The following TSC22D3 variants were observed in gnomAD, a reference collection of about 807,000 sequenced individuals.
The protein encoded by TSC22D3 is TSC22 domain family protein 3.
A neutral mutation model predicts 11.1 loss-of-function variants in TSC22D3; 4 were observed. That is an observed-to-expected ratio of 0.36 (90% CI 0.18 to 0.83). TSC22D3 has a LOEUF of 0.83. TSC22D3 is among the 40% of genes least tolerant of loss of function. The pLI is 0.48. For synonymous variants in TSC22D3, 77 were observed against 70.3 expected (o/e 1.10, Z -0.48); for missense variants, 118 against 159.4 (o/e 0.74, Z 1.40).
chrX:107,770,380 CACTT>C (rs5903308), intron 1 of TSC22D3, among the ~76,000 whole-genome samples: 8,995 of 111,710 alleles, frequency 0.081, 378 homozygotes, highest in Middle Eastern at 0.18. Context: ...TTCTGAGACT[CACTT>C]AGAGAAGCAC....
intron 1 of TSC22D3, among the ~76,000 whole-genome samples, chrX:107,724,688 G>A (rs1236278025): frequency 8.9e-6 from 1 of 112,472 alleles, no homozygotes; most frequent in Non-Finnish European, 1.9e-5. Flanking sequence ...GCTGTGCAAG[G>A]GTGACAGGTG....
intron 1 of TSC22D3, among the ~76,000 whole-genome samples, chrX:107,748,649 C>A (rs890842835): frequency 8.9e-6 from 1 of 111,764 alleles, no homozygotes; most frequent in Admixed American, 9.5e-5. Flanking sequence ...CTCACACCGA[C>A]TAGTTCTCTT....
chrX:107,771,830 C>A (rs761960883), intron 1 of TSC22D3, among the ~76,000 whole-genome samples: 2 of 112,189 alleles, frequency 1.8e-5, no homozygotes, highest in Admixed American at 9.5e-5. Flanking sequence ...CTCACTGATT[C>A]GTATGTATAT....
At chrX:107,730,889 C>T (rs1222772618) in intron 1 of TSC22D3, among the ~76,000 whole-genome samples, 1 of 111,525 alleles carries the variant, frequency 9.0e-6, no homozygotes, top group Non-Finnish European at 1.9e-5. Context: ...TTTCATGGGG[C>T]CCATAGCTTC....
intron 1 of TSC22D3, among the ~76,000 whole-genome samples, chrX:107,768,829 G>C (rs1455498399): frequency 8.9e-6 from 1 of 112,766 alleles, no homozygotes; most frequent in African/African-American, 3.2e-5. Context: ...AGGTATGCTA[G>C]ACCTTGGCCA....
chrX:107,775,691 T>G lies in TSC22D3; in HGVS notation c.-272A>C. 4.4e-6 allele frequency: 1 copy of G among 229,814 alleles called. No individual in the cohort carries two copies. The allele number at this position is 229,814 out of a possible 1,213,427, so 18.9% of individuals were successfully genotyped here. The stretch of plus-strand genomic sequence containing the variant: ...CTTCCTCCTTCTCCTCCCCCTCCTC[T>G]TGAGGCCGGGGGCCGCCCCCCTGAG... On this transcript the variant is annotated 5_prime_UTR_variant, in exon 1 of 3. Transcript: ENST00000372383.
At chrX:107,754,868 T>C (rs890006314) in intron 1 of TSC22D3, among the ~76,000 whole-genome samples, 1 of 112,220 alleles carries the variant, frequency 8.9e-6, no homozygotes, top group Non-Finnish European at 1.9e-5. Context: ...GGCGATAACC[T>C]TGAGCAGTAG....
intron 1 of TSC22D3, among the ~76,000 whole-genome samples, chrX:107,732,611 T>G (rs1927940261): frequency 9.0e-6 from 1 of 111,514 alleles, no homozygotes; most frequent in African/African-American, 3.3e-5. Flanking sequence ...CGAGTGAATC[T>G]TCAGGGGTGA....
rs943005244 is a variant in TSC22D3 at position 107,713,548 on chromosome X, A to G, written c.*971T>C. ...ACTGATCTTCTCTCAACCCCATTCT[A>G]TGTAGTCAGCACCAGTGAATGGTGG... On this transcript the variant is annotated 3_prime_UTR_variant, in exon 3 of 3. Transcript: ENST00000372383. 8.9e-6 allele frequency: 1 copy of G among 112,704 alleles called. No homozygotes were observed. The highest frequency in any genetic ancestry group is 1.9e-5 in the Non-Finnish European group (1 of 53,276). 9.3% of individuals were successfully genotyped at this position (112,704 alleles called of 1,213,427 possible).
intron 1 of TSC22D3, among the ~76,000 whole-genome samples, chrX:107,721,656 G>T (rs1248950393): frequency 2.7e-5 from 3 of 112,178 alleles, no homozygotes; most frequent in Non-Finnish European, 5.6e-5. Context: ...CAGGAGAAGC[G>T]GAAAAAGACA....
chrX:107,726,246 A>C (rs1381456517), intron 1 of TSC22D3, among the ~76,000 whole-genome samples: 1 of 111,793 alleles, frequency 8.9e-6, no homozygotes, highest in Non-Finnish European at 1.9e-5. Flanking sequence ...ATGCATCCAG[A>C]CTGTCTTTTG....
chrX:107,736,400 C>T (rs1038875228), intron 1 of TSC22D3, among the ~76,000 whole-genome samples: 7 of 111,815 alleles, frequency 6.3e-5, no homozygotes, highest in African/African-American at 2.0e-4. Context: ...TTTCTCTCCC[C>T]ATTTTCCCCT....
intron 1 of TSC22D3, among the ~76,000 whole-genome samples, chrX:107,742,280 A>AG (rs1491354786): frequency 0.012 from 699 of 60,258 alleles, 29 homozygotes; most frequent in African/African-American, 0.05. Context: ...AGAGAGAGAG[A>AG]AAGAGAGAGA....
intron 1 of TSC22D3, among the ~76,000 whole-genome samples, chrX:107,722,493 A>G (rs912027053): frequency 1.1e-4 from 12 of 112,001 alleles, no homozygotes; most frequent in Non-Finnish European, 2.1e-4. Flanking sequence ...TCATCACCCT[A>G]ACTTTGGTGG....
At chrX:107,762,569 G>A (rs760729312) in intron 1 of TSC22D3, among the ~76,000 whole-genome samples, 23 of 111,062 alleles carry the variant, frequency 2.1e-4, no homozygotes, top group Non-Finnish European at 4.0e-4. Flanking sequence ...TATAAAACCA[G>A]GACTCTCACA....
At chrX:107,775,801 G>T (rs1164599900), upstream of TSC22D3, 2 of 124,101 alleles carry the variant, frequency 1.6e-5, no homozygotes, top group East Asian at 5.0e-4. Context: ...GGAAGGGCGG[G>T]CAGCAGGGCA....
chrX:107,746,179 T>C (rs192236700), intron 1 of TSC22D3, among the ~76,000 whole-genome samples: 1 of 111,389 alleles, frequency 9.0e-6, no homozygotes, highest in African/African-American at 3.3e-5. Context: ...TGGAAGAGAC[T>C]GCAGGTGGCC....
chrX:107,716,150 G>A (rs111968366), intron 1 of TSC22D3, 200 bp from the exon 2 acceptor site: 1 of 638,584 alleles, frequency 1.6e-6, no homozygotes, highest in Non-Finnish European at 2.3e-6. Flanking sequence ...CATCCAGGCC[G>A]GCTCAGCGCT....
chrX:107,745,779 C>CT (rs1313133177), intron 1 of TSC22D3, among the ~76,000 whole-genome samples: 1 of 111,458 alleles, frequency 9.0e-6, no homozygotes, highest in East Asian at 2.8e-4. Flanking sequence ...TCCAAACATC[C>CT]GTTTGTTTAA....
Sources: gnomAD v4.1 joint callset for allele counts (sites outside exome capture counted in the v4.1 genomes callset) on GRCh38, gnomAD v4.1.1 for gene constraint, MANE v1.5 for transcripts, NCBI Gene and HGNC (gene_info 2026-07-23, HGNC 2026-07-21) for gene names.